Variants in JHY observed in about 807,000 individuals in gnomAD.
JHY encodes the protein junctional cadherin complex regulator.
JHY carries 69 observed loss-of-function variants against 78.0 expected under a neutral mutation model. The observed-to-expected ratio is 0.88, with a 90% confidence interval of 0.73 to 1.08. The LOEUF (loss-of-function observed/expected upper bound fraction) is 1.08. JHY is among the 50% of genes least tolerant of loss of function. The pLI is 0.00. For synonymous variants in JHY, 368 were observed against 342.6 expected (o/e 1.07, Z -0.82); for missense variants, 944 against 927.8 (o/e 1.02, Z -0.23).
At chr11:122,908,931 A>G (rs1863051524) in intron 3 of JHY, among the ~76,000 whole-genome samples, 1 of 152,342 alleles carries the variant, frequency 6.6e-6, no homozygotes, top group Middle Eastern at 3.4e-3. Flanking sequence ...ACCAAATTCC[A>G]AGGAAGAATA....
At chr11:122,924,246 G>T (rs965220997) in intron 3 of JHY, among the ~76,000 whole-genome samples, 1 of 152,128 alleles carries the variant, frequency 6.6e-6, no homozygotes, top group African/African-American at 2.4e-5. Context: ...ACTACTAATT[G>T]TGCAGGTCTA....
intron 2 of JHY, among the ~76,000 whole-genome samples, chr11:122,890,194 G>T (rs552916822): frequency 6.6e-6 from 1 of 152,058 alleles, no homozygotes; most frequent in Non-Finnish European, 1.5e-5. Context: ...TGTAACAACA[G>T]CTAGCATTTA....
At chr11:122,884,148 T>A (rs1269198725) in intron 1 of JHY, among the ~76,000 whole-genome samples, 1 of 152,186 alleles carries the variant, frequency 6.6e-6, no homozygotes, top group Non-Finnish European at 1.5e-5. Flanking sequence ...GAGAATAATA[T>A]GTTAGTCTAC....
intron 5 of JHY, among the ~76,000 whole-genome samples, chr11:122,940,228 C>T (rs1396636730): frequency 6.6e-6 from 1 of 151,968 alleles, no homozygotes; most frequent in Non-Finnish European, 1.5e-5. Flanking sequence ...GTCCCAGCTA[C>T]TCGGGAGGCT....
intron 3 of JHY, among the ~76,000 whole-genome samples, chr11:122,909,853 A>G (rs1202835994): frequency 6.6e-6 from 1 of 152,212 alleles, no homozygotes; most frequent in African/African-American, 2.4e-5. Flanking sequence ...CATAGCAAGT[A>G]TATAGGTATA....
At chr11:122,948,144 G>T (rs1342532894) in intron 6 of JHY, among the ~76,000 whole-genome samples, 2 of 152,108 alleles carry the variant, frequency 1.3e-5, no homozygotes, top group Non-Finnish European at 2.9e-5. Context: ...AATTCAGTTT[G>T]TTATTAAATA....
In JHY at chr11:122,959,408, A is replaced by C. The variant is rs982758798; in HGVS notation, c.2300A>C (p.Gln767Pro). 5 of 1,614,048 alleles carry C rather than the reference A, an allele frequency of 3.1e-6. No homozygotes were observed. The highest frequency in any genetic ancestry group is 3.4e-6 in the Non-Finnish European group (4 of 1,179,998). Reference sequence around the variant, plus strand: ...CAGAACAGACACGAAAGGGAAAAACAGGCTGTGGCTGCTTTCAAAGTCCTT... The same window carrying C: ...CAGAACAGACACGAAAGGGAAAAACCGGCTGTGGCTGCTTTCAAAGTCCTT... Reference protein sequence around the residue: ...ILQNRHEREKQAVAAFKVLHI... With the variant: ...ILQNRHEREKPAVAAFKVLHI... The change falls in exon 9 of 9, where the codon CAG becomes CCG. Residue 767 changes from glutamine to proline, a missense_variant. Coordinates refer to ENST00000227349, the MANE Select transcript of JHY (RefSeq NM_024806.4).
chr11:122,904,105 G>C lies in JHY; in HGVS notation c.525G>C (p.Gly175=). ...AGGAGACGTCAATGGAACTCTCCGGGGGAAAAGGCGAGCAGAAAGAGAGTC... is the reference window on the plus strand; with the variant it reads ...AGGAGACGTCAATGGAACTCTCCGGCGGAAAAGGCGAGCAGAAAGAGAGTC... ...PSQETSMELS[G]GKGEQKESPQ... The change falls in exon 3 of 9, where the codon GGG becomes GGC. Residue 175 remains glycine (G), a synonymous_variant. Transcript: ENST00000227349. The C allele has an allele frequency of 6.2e-7, 1 of 1,614,160 alleles. No homozygotes were observed. The highest frequency in any genetic ancestry group is 8.5e-7 in the Non-Finnish European group (1 of 1,180,032).
intron 5 of JHY, among the ~76,000 whole-genome samples, chr11:122,938,001 A>G (rs1054001081): frequency 1.4e-5 from 2 of 140,050 alleles, no homozygotes; most frequent in African/African-American, 5.5e-5. Context: ...GATCCTTTGT[A>G]TATAATCTGT....
At chr11:122,888,714 G>T (rs577689924) in intron 2 of JHY, among the ~76,000 whole-genome samples, 30 of 151,916 alleles carry the variant, frequency 2.0e-4, no homozygotes, top group Non-Finnish European at 4.1e-4. Flanking sequence ...CCCCTTAGAG[G>T]TAATCAATAC....
At chr11:122,954,188 T>C (rs1309982864) in intron 6 of JHY, among the ~76,000 whole-genome samples, 1 of 152,222 alleles carries the variant, frequency 6.6e-6, no homozygotes, top group Non-Finnish European at 1.5e-5. Context: ...TTCTCCTTTT[T>C]CCTGGCTGCA....
chr11:122,933,827 A>T (rs561611753), intron 4 of JHY, among the ~76,000 whole-genome samples: 45 of 152,350 alleles, frequency 3.0e-4, no homozygotes, highest in African/African-American at 1.1e-3. Context: ...TTTTCTGGTT[A>T]AGATTTTTAA....
chr11:122,947,583 G>A (rs1863992137), intron 6 of JHY: 2 of 152,184 alleles, frequency 1.3e-5, no homozygotes, highest in African/African-American at 4.8e-5. Context: ...CTTGCTTCCA[G>A]TGTCAAATCA....
intron 6 of JHY, among the ~76,000 whole-genome samples, chr11:122,953,789 C>T (rs1351560525): frequency 2.6e-5 from 4 of 152,118 alleles, no homozygotes; most frequent in Non-Finnish European, 4.4e-5. Flanking sequence ...AGTGTGTCTT[C>T]TGCATACTTT....
rs775929780 is a variant in JHY at position 122,886,003 on chromosome 11, CA to C, written c.156del (p.Glu53ArgfsTer22). 2.2e-5 allele frequency: 36 copies of C among 1,613,998 alleles called. No homozygotes were observed. The South Asian group carries it at 3.8e-4, about 17-fold the overall frequency. ...GGAATCTGATTCAGAAAGCCTCACG[CA>C]AGAGATTATGTGCCATTCTGAGTTT... ...SLESDSESLT[Q>X]EIMCHSEFDD... On this transcript the variant is annotated frameshift_variant, in exon 2 of 9. Coordinates refer to ENST00000227349, the MANE Select transcript of JHY (RefSeq NM_024806.4). LOFTEE classifies it high-confidence loss of function.
chr11:122,926,187 CAAAAAA>C (rs574945272), intron 4 of JHY, among the ~76,000 whole-genome samples: 2 of 40,096 alleles, frequency 5.0e-5, no homozygotes, highest in African/African-American at 1.5e-4. Flanking sequence ...GACTCCATCT[CAAAAAA>C]AAAAAAAAAA....
At chr11:122,919,895 A>G (rs761837692) in intron 3 of JHY, among the ~76,000 whole-genome samples, 16 of 152,258 alleles carry the variant, frequency 1.1e-4, no homozygotes, top group Non-Finnish European at 2.4e-4. Context: ...TAAATACATT[A>G]TGAGGTAATC....
chr11:122,897,858 A>G (rs1466999878), intron 2 of JHY, among the ~76,000 whole-genome samples: 1 of 152,208 alleles, frequency 6.6e-6, no homozygotes, highest in Non-Finnish European at 1.5e-5. Flanking sequence ...AGAGATGGAA[A>G]CCAGAAAATC....
chr11:122,957,754 C>T lies in JHY; in HGVS notation c.2139+263C>T, dbSNP rs370406121. ...ACGCAGGAGATGTTTTAGCTACTTC[C>T]ATTCCTGTAGCTACCCATCATTCAC... On this transcript the variant is annotated intron_variant, in intron 8 of 8. Coordinates refer to ENST00000227349, the MANE Select transcript of JHY (RefSeq NM_024806.4). 3.3e-5 allele frequency among the ~76,000 whole-genome samples: 5 copies of T among 151,124 alleles called. No homozygotes were observed. The East Asian group carries it at 7.8e-4, about 24-fold the overall frequency.
Sources: gnomAD v4.1 joint callset for allele counts (sites outside exome capture counted in the v4.1 genomes callset) on GRCh38, gnomAD v4.1.1 for gene constraint, MANE v1.5 for transcripts, NCBI Gene and HGNC (gene_info 2026-07-23, HGNC 2026-07-21) for gene names.